The following SLC14A2 variants were observed in gnomAD, a reference collection of about 807,000 sequenced individuals.
The protein encoded by SLC14A2 is solute carrier family 14 member 2.
Under a neutral mutation model 104.6 loss-of-function variants are expected in SLC14A2, and 91 were observed. That is an observed-to-expected ratio of 0.87 (90% CI 0.73 to 1.04). The LOEUF is 1.04. Ranked by LOEUF, SLC14A2 falls within the 50% of genes least tolerant of loss-of-function variation. The pLI is 0.00. For missense variants in SLC14A2, 1,189 were observed against 1,156.0 expected, an observed-to-expected ratio of 1.03 and a Z score of -0.41; for synonymous variants, 476 against 466.4, an observed-to-expected ratio of 1.02 and a Z score of -0.27.
At chr18:45,654,717 C>G (rs147101540) in intron 10 of SLC14A2, among the ~76,000 whole-genome samples, 195 of 152,262 alleles carry the variant, frequency 1.3e-3, no homozygotes, top group African/African-American at 4.5e-3. Context: ...GTAAATGAGG[C>G]TGGACAAAAG....
intron 2 of SLC14A2, among the ~76,000 whole-genome samples, chr18:45,573,881 A>G (rs1006619458): frequency 3.9e-5 from 6 of 152,234 alleles, no homozygotes; most frequent in African/African-American, 1.4e-4. Context: ...TTTAGACAAC[A>G]GTGTTGAAAC....
intron 1 of SLC14A2, among the ~76,000 whole-genome samples, chr18:45,364,696 G>A (rs1159150020): frequency 6.6e-6 from 1 of 152,176 alleles, no homozygotes; most frequent in African/African-American, 2.4e-5. Flanking sequence ...ACAAGCAGCA[G>A]GGATTGGGGA....
At chr18:45,666,481 T>C (rs1448593254) in intron 12 of SLC14A2, among the ~76,000 whole-genome samples, 6 of 152,192 alleles carry the variant, frequency 3.9e-5, no homozygotes, top group African/African-American at 1.4e-4. Context: ...AGCTGGTGCC[T>C]GTTTTCAAAA....
intron 1 of SLC14A2, among the ~76,000 whole-genome samples, chr18:45,376,731 A>G (rs1462320794): frequency 6.6e-6 from 1 of 152,208 alleles, no homozygotes; most frequent in Non-Finnish European, 1.5e-5. Context: ...CTGTGAGCCA[A>G]GGCATGCTTT....
intron 2 of SLC14A2, among the ~76,000 whole-genome samples, chr18:45,523,638 A>G (rs900058607): frequency 6.6e-6 from 1 of 151,584 alleles, no homozygotes; most frequent in African/African-American, 2.4e-5. Flanking sequence ...CCCAGCCACT[A>G]GTTATCATTC....
At chr18:45,172,811 G>T in the SLC14A2 span, among the ~76,000 whole-genome samples, 1 of 152,084 alleles carries the variant, frequency 6.6e-6, no homozygotes, top group Non-Finnish European at 1.5e-5. Flanking sequence ...TGTAATAATT[G>T]GAATTGCATC....
At chr18:45,200,884 TAAAC>T in the SLC14A2 span, among the ~76,000 whole-genome samples, 7 of 152,164 alleles carry the variant, frequency 4.6e-5, no homozygotes, top group Admixed American at 2.6e-4. Context: ...TTATAATCAA[TAAAC>T]AAATCTTGAT....
intron 1 of SLC14A2, among the ~76,000 whole-genome samples, chr18:45,301,030 A>G (rs1342741703): frequency 6.6e-6 from 1 of 152,214 alleles, no homozygotes; most frequent in African/African-American, 2.4e-5. Flanking sequence ...GCCGAAAACA[A>G]GTAGATGATG....
At chr18:45,643,814 GC>G (rs2045574009) in intron 9 of SLC14A2, among the ~76,000 whole-genome samples, 171 bp from the exon 10 acceptor site, 1 of 152,160 alleles carries the variant, frequency 6.6e-6, no homozygotes, top group Non-Finnish European at 1.5e-5. Context: ...ACTGCATCCA[GC>G]CCTAAATTCT....
At chr18:45,230,058 G>A (rs1041251735) in intron 1 of SLC14A2, among the ~76,000 whole-genome samples, 1 of 152,178 alleles carries the variant, frequency 6.6e-6, no homozygotes, top group African/African-American at 2.4e-5. Context: ...CTGACATATG[G>A]TAAACACTAT....
chr18:45,677,466 G>A (rs1157001803), intron 18 of SLC14A2, among the ~76,000 whole-genome samples: 1 of 152,186 alleles, frequency 6.6e-6, no homozygotes, highest in African/African-American at 2.4e-5. Context: ...CCAGATGGCT[G>A]GAGCTCCGCC....
intron 1 of SLC14A2, among the ~76,000 whole-genome samples, chr18:45,416,715 T>C (rs1290807845): frequency 6.6e-6 from 1 of 152,222 alleles, no homozygotes; most frequent in Non-Finnish European, 1.5e-5. Flanking sequence ...AAAATGGGTA[T>C]TTAACTACCG....
At chr18:45,347,012 C>T (rs73429975) in intron 1 of SLC14A2, among the ~76,000 whole-genome samples, 3,849 of 123,228 alleles carry the variant, frequency 0.031, 81 homozygotes, top group African/African-American at 0.084. Flanking sequence ...AATAAATAAA[C>T]AAACAAACAA....
intron 2 of SLC14A2, among the ~76,000 whole-genome samples, chr18:45,574,031 T>A (rs1045344027): frequency 6.6e-6 from 1 of 152,246 alleles, no homozygotes; most frequent in African/African-American, 2.4e-5. Flanking sequence ...AGTCATCGTA[T>A]GAATTAATGA....
At chr18:45,280,500 C>T (rs1406707322) in intron 1 of SLC14A2, among the ~76,000 whole-genome samples, 2 of 152,152 alleles carry the variant, frequency 1.3e-5, no homozygotes, top group Non-Finnish European at 2.9e-5. Context: ...TCTCCAGCCT[C>T]GAAGGCCACA....
At chr18:45,250,195 C>T (rs991248168) in intron 1 of SLC14A2, among the ~76,000 whole-genome samples, 4 of 152,108 alleles carry the variant, frequency 2.6e-5, no homozygotes, top group East Asian at 1.9e-4. Context: ...CAACAAAAGG[C>T]ACTTAAAGCA....
chr18:45,653,687 G>A (rs149073737), intron 10 of SLC14A2, among the ~76,000 whole-genome samples: 18 of 152,208 alleles, frequency 1.2e-4, no homozygotes, highest in African/African-American at 4.3e-4. Context: ...TGCTCTGAGA[G>A]GGTCCTGCAG....
At position 45,238,426 on chromosome 18, in the gene SLC14A2, G is replaced by T. The variant is rs144856864; in HGVS notation, c.-125+25235G>T. Among the ~76,000 whole-genome samples the T allele has an allele frequency of 7.4e-3, 1,133 of 152,318 alleles. 12 individuals are homozygous for T. Among genetic ancestry groups the T allele is most frequent in the Non-Finnish European group, 0.013 (907 of 68,030 alleles). On this transcript the variant is annotated intron_variant, in intron 1 of 20. Transcript: ENST00000586448. ...CCAAAAGGTAAGATGGCAGCACACT[G>T]TTGAAGACTTTGAGGGATTGCTACT... is the stretch of plus-strand genomic sequence containing the variant.
chr18:45,445,542 G>A (rs1598828239), intron 1 of SLC14A2, among the ~76,000 whole-genome samples: 1 of 152,088 alleles, frequency 6.6e-6, no homozygotes, highest in Non-Finnish European at 1.5e-5. Flanking sequence ...TGTAAACTTG[G>A]GGAGATTGCC....
Sources: allele counts gnomAD v4.1 joint callset (sites outside exome capture counted in the v4.1 genomes callset), GRCh38; gene constraint gnomAD v4.1.1; transcripts MANE v1.5; gene names NCBI Gene and HGNC (gene_info 2026-07-23, HGNC 2026-07-21).